VAV3: variants seen among roughly 807,000 people sequenced by gnomAD.
VAV3 encodes vav guanine nucleotide exchange factor 3.
A neutral mutation model predicts 131.2 loss-of-function variants in VAV3; 94 were observed. That is an observed-to-expected ratio of 0.72 (90% CI 0.61 to 0.85). The LOEUF (loss-of-function observed/expected upper bound fraction) is 0.85. Among genes scored for constraint, VAV3 ranks in the 40% least tolerant of loss-of-function variants. The pLI is 0.00. For missense variants in VAV3, 939 were observed against 1,002.7 expected (o/e 0.94, Z 0.86); for synonymous variants, 349 against 342.0 (o/e 1.02, Z -0.22).
intron 15 of VAV3, among the ~76,000 whole-genome samples, chr1:107,736,661 G>C (rs1370128421): frequency 1.3e-5 from 2 of 151,998 alleles, no homozygotes; most frequent in Non-Finnish European, 1.5e-5. Context: ...TGTGAAGGAT[G>C]TCTTCAAGGA....
At chr1:107,814,573 A>G (rs1298580604) in intron 2 of VAV3, among the ~76,000 whole-genome samples, 1 of 152,164 alleles carries the variant, frequency 6.6e-6, no homozygotes, top group Non-Finnish European at 1.5e-5. Flanking sequence ...ATTTTCTCCC[A>G]TTCAACAAGC....
Position 107,753,549 on chromosome 1 carries a change from T to TATATATATATATATACACACACAC in VAV3, c.1173+1877_1173+1878insGTGTGTGTGTATATATATATATAT, listed in dbSNP as rs771773884. On this transcript the variant is annotated intron_variant, in intron 12 of 26. Transcript: ENST00000370056. ...ATACGTATATATATATATATATATATACACACACACACTTTTTTTTTTGAG... is the reference window on the plus strand; with the variant it reads ...ATACGTATATATATATATATATATATATATATATATATATACACACACACACACACACACACTTTTTTTTTTGAG... Among the ~76,000 whole-genome samples, 96 of 81,286 alleles carry TATATATATATATATACACACACAC rather than the reference T, an allele frequency of 1.2e-3. 1 individual carries two copies. Among genetic ancestry groups the TATATATATATATATACACACACAC allele is most frequent in the Non-Finnish European group, 1.9e-3 (74 of 38,900 alleles). The allele number at this position is 81,286 out of a possible 152,430, so 53.3% of individuals were successfully genotyped here.
intron 18 of VAV3, chr1:107,685,734 T>A (rs911444691): frequency 6.6e-6 from 1 of 152,116 alleles, no homozygotes; most frequent in Non-Finnish European, 1.5e-5. Context: ...TATTTTATAT[T>A]GAAAAACCTG....
chr1:107,641,594 C>A (rs747516162), intron 20 of VAV3, among the ~76,000 whole-genome samples: 7 of 152,150 alleles, frequency 4.6e-5, no homozygotes, highest in Non-Finnish European at 8.8e-5. Context: ...TCATCATGGG[C>A]AAACATCAAC....
intron 1 of VAV3, among the ~76,000 whole-genome samples, chr1:107,917,475 C>G (rs1269170540): frequency 6.6e-6 from 1 of 152,202 alleles, no homozygotes; most frequent in African/African-American, 2.4e-5. Context: ...GCTTACAGAT[C>G]TGACCCACCA....
intron 20 of VAV3, among the ~76,000 whole-genome samples, chr1:107,638,632 A>G (rs1655110116): frequency 6.6e-6 from 1 of 152,148 alleles, no homozygotes; most frequent in African/African-American, 2.4e-5. Context: ...TGAGATTCCA[A>G]TCAAAATCTC....
At chr1:107,787,103 C>T (rs990304156) in intron 2 of VAV3, among the ~76,000 whole-genome samples, 4 of 152,104 alleles carry the variant, frequency 2.6e-5, no homozygotes, top group Admixed American at 2.6e-4. Context: ...AAATCTCTTC[C>T]TTTGCCTATC....
chr1:107,722,946 G>A (rs901733958), intron 15 of VAV3, among the ~76,000 whole-genome samples: 4 of 147,708 alleles, frequency 2.7e-5, no homozygotes, highest in South Asian at 2.1e-4. Flanking sequence ...CAGCTCAAAT[G>A]TTATCTCCTC....
intron 1 of VAV3, among the ~76,000 whole-genome samples, chr1:107,915,834 G>A (rs1672590098): frequency 6.6e-6 from 1 of 152,134 alleles, no homozygotes; most frequent in African/African-American, 2.4e-5. Flanking sequence ...GACTTACTAG[G>A]TCCGGGCAAT....
intron 2 of VAV3, among the ~76,000 whole-genome samples, chr1:107,787,845 T>C (rs977838089): frequency 2.6e-5 from 4 of 152,174 alleles, no homozygotes; most frequent in Non-Finnish European, 4.4e-5. Context: ...CGCACCACTA[T>C]GGTCCTGCCG....
intron 3 of VAV3, 82 bp from the exon 4 acceptor site, chr1:107,777,378 A>G: frequency 8.0e-7 from 1 of 1,255,786 alleles, no homozygotes; most frequent in Non-Finnish European, 1.1e-6. Context: ...CTTAACCCTC[A>G]CTAAATATGT....
At chr1:107,804,430 A>G (rs1666966283) in intron 2 of VAV3, among the ~76,000 whole-genome samples, 2 of 152,186 alleles carry the variant, frequency 1.3e-5, no homozygotes, top group African/African-American at 4.8e-5. Context: ...GTAGGTTACC[A>G]TGAGGCTTAC....
chr1:107,670,165 A>C (rs1309307598), intron 19 of VAV3, among the ~76,000 whole-genome samples: 5 of 152,228 alleles, frequency 3.3e-5, no homozygotes, highest in Non-Finnish European at 7.4e-5. Flanking sequence ...CATGTTTTCA[A>C]ACTTGATGCC....
chr1:107,832,360 C>CG (rs778640451), intron 2 of VAV3, among the ~76,000 whole-genome samples: 6 of 152,146 alleles, frequency 3.9e-5, no homozygotes, highest in Non-Finnish European at 5.9e-5. Context: ...GCAAATGCAT[C>CG]GGCAGAGCAG....
At chr1:107,770,032 C>T (rs1334928979) in intron 6 of VAV3, among the ~76,000 whole-genome samples, 2 of 152,136 alleles carry the variant, frequency 1.3e-5, no homozygotes, top group African/African-American at 2.4e-5. Context: ...TCCCAATGTC[C>T]TTGCATGGCC....
intron 1 of VAV3, among the ~76,000 whole-genome samples, chr1:107,917,622 T>G (rs900350731): frequency 3.3e-5 from 5 of 152,126 alleles, no homozygotes; most frequent in Admixed American, 3.3e-4. Flanking sequence ...ACATGCTATG[T>G]TTGAAGTTAC....
At chr1:107,731,977 C>A (rs1557801980) in intron 15 of VAV3, among the ~76,000 whole-genome samples, 1 of 152,160 alleles carries the variant, frequency 6.6e-6, no homozygotes, top group Non-Finnish European at 1.5e-5. Flanking sequence ...AAAGCATATA[C>A]ACTTAACTTA....
intron 15 of VAV3, among the ~76,000 whole-genome samples, chr1:107,743,723 T>C (rs551501768): frequency 2.0e-5 from 3 of 152,172 alleles, no homozygotes; most frequent in South Asian, 2.1e-4. Context: ...AAACAAATTA[T>C]GTTTGATGAA....
intron 19 of VAV3, among the ~76,000 whole-genome samples, chr1:107,645,273 T>C (rs1219165136): frequency 2.0e-5 from 3 of 151,890 alleles, no homozygotes; most frequent in Admixed American, 2.0e-4. Context: ...CTTCAACTCA[T>C]ATGGTTTTTT....
Sources: gnomAD v4.1 joint callset for allele counts (sites outside exome capture counted in the v4.1 genomes callset) on GRCh38, gnomAD v4.1.1 for gene constraint, MANE v1.5 for transcripts, NCBI Gene and HGNC (gene_info 2026-07-23, HGNC 2026-07-21) for gene names.